The following MOB2 variants were observed in gnomAD, a reference collection of about 807,000 sequenced individuals.
MOB2 encodes the protein MOB2 Mps One Binder homolog.
MOB2 carries 14 observed loss-of-function variants against 27.4 expected under a neutral mutation model. The ratio of observed to expected loss-of-function variants is 0.51; its 90% confidence interval spans 0.34 to 0.80. MOB2 has a LOEUF of 0.80. MOB2 is among the 30% of genes least tolerant of loss of function. MOB2 has a pLI of 0.01. For missense variants in MOB2, 304 were observed against 354.6 expected (o/e 0.86, Z 1.15); for synonymous variants, 167 against 151.8 (o/e 1.10, Z -0.74).
intron 3 of MOB2, among the ~76,000 whole-genome samples, chr11:1,475,969 G>A (rs901426585): frequency 5.3e-5 from 8 of 152,140 alleles, no homozygotes; most frequent in Admixed American, 4.6e-4. Flanking sequence ...CCAGCATCAC[G>A]CTCTTGCGCT....
chr11:1,477,596 C>G (rs983331590), intron 3 of MOB2, among the ~76,000 whole-genome samples: 5 of 152,194 alleles, frequency 3.3e-5, no homozygotes, highest in African/African-American at 9.7e-5. Flanking sequence ...CAAGAAGGTG[C>G]TGTCTGTGGA....
chr11:1,486,679 C>A lies in MOB2; in HGVS notation c.-123G>T. Reference sequence around the variant, plus strand: ...TGGCCAATGGGACGCCTGGCAGAGACAAACAGCTGCCCCCTTTCCAGAGGC... The same window carrying A: ...TGGCCAATGGGACGCCTGGCAGAGAAAAACAGCTGCCCCCTTTCCAGAGGC... On this transcript the variant is annotated 5_prime_UTR_variant, in exon 1 of 5. Transcript: ENST00000329957. The A allele has an allele frequency of 1.5e-6, 1 of 656,516 alleles. No individual in the cohort carries two copies. The highest frequency in any genetic ancestry group is 2.7e-6 in the Non-Finnish European group (1 of 373,288). The allele number at this position is 656,516 out of a possible 1,614,324, so 40.7% of individuals were successfully genotyped here.
chr11:1,483,360 C>A (rs536769548), intron 1 of MOB2, among the ~76,000 whole-genome samples: 10 of 152,192 alleles, frequency 6.6e-5, no homozygotes, highest in Admixed American at 1.3e-4. Flanking sequence ...GGGAGTGGAC[C>A]CTGGACCTCA....
rs1331450325 is a variant in MOB2 at position 1,469,705 on chromosome 11, T to C, written c.*467A>G. 2.4e-5 allele frequency: 11 copies of C among 458,718 alleles called. No homozygotes were observed. The highest frequency in any genetic ancestry group is 4.8e-5 in the Non-Finnish European group (11 of 228,610). The allele number at this position is 458,718 out of a possible 1,614,324, so 28.4% of individuals were successfully genotyped here. ...CTGAGCTGCCAACAGCCAAGACTCC[T>C]GGCGAGGCCGGGAGAGGAGGGGTGA... On this transcript the variant is annotated 3_prime_UTR_variant, in exon 5 of 5. Coordinates refer to ENST00000329957, the MANE Select transcript of MOB2 (RefSeq NM_001172223.3).
chr11:1,480,063 C>G (rs1406809352), intron 3 of MOB2, among the ~76,000 whole-genome samples: 1 of 152,250 alleles, frequency 6.6e-6, no homozygotes, highest in African/African-American at 2.4e-5. Context: ...ACTGTCCCAT[C>G]CAGAGCTGTC....
intron 3 of MOB2, among the ~76,000 whole-genome samples, chr11:1,480,116 T>G (rs1277348057): frequency 6.6e-6 from 1 of 152,178 alleles, no homozygotes; most frequent in African/African-American, 2.4e-5. Context: ...CTTAGGGCAT[T>G]CCTTCTGGAA....
intron 3 of MOB2, among the ~76,000 whole-genome samples, chr11:1,474,771 G>C (rs972602848): frequency 1.6e-4 from 25 of 152,166 alleles, no homozygotes; most frequent in African/African-American, 6.0e-4. Flanking sequence ...GTTTGTGTGG[G>C]GCTATCTCTG....
At chr11:1,478,650 C>T (rs1362638672) in intron 3 of MOB2, among the ~76,000 whole-genome samples, 1 of 152,200 alleles carries the variant, frequency 6.6e-6, no homozygotes, top group Non-Finnish European at 1.5e-5. Context: ...CATGCATCTG[C>T]ACGTGTCTGT....
Position 1,480,854 on chromosome 11 carries a change from G to A in MOB2, c.142C>T (p.Pro48Ser), listed in dbSNP as rs1242759815. 1 of 1,565,924 alleles carries A rather than the reference G, an allele frequency of 6.4e-7. No homozygotes were observed. Among genetic ancestry groups the A allele is most frequent in the Admixed American group, 1.9e-5 (1 of 52,722 alleles). The change falls in exon 2 of 5, where the codon CCC (proline) becomes TCC (serine). Residue 48 changes from proline to serine, a missense_variant. Transcript: ENST00000329957. ...TAGGCCTTCCTCTCCTCCGCAGCGG[G>A]CTTCTTGCCATTAGGCTTGGCTTTG... ...KSKAKPNGKKPAAEERKAYLE... is the reference protein window; with the variant it reads ...KSKAKPNGKKSAAEERKAYLE...
At chr11:1,471,246 C>T (rs941528597) in intron 4 of MOB2, 49 bp downstream of exon 4, 17 of 1,577,692 alleles carry the variant, frequency 1.1e-5, no homozygotes, top group South Asian at 2.4e-5. Context: ...GTCCTGAATG[C>T]TCCCTGCCCC....
intron 3 of MOB2, among the ~76,000 whole-genome samples, chr11:1,479,759 G>A (rs550621513): frequency 2.4e-4 from 37 of 152,304 alleles, no homozygotes; most frequent in African/African-American, 7.2e-4. Flanking sequence ...AAAAGCTTCC[G>A]CCCTCCTCAG....
In MOB2 at chr11:1,471,422, G is replaced by A; in HGVS notation, c.366-3C>T. 1.2e-6 allele frequency: 2 copies of A among 1,609,870 alleles called. No homozygotes were observed. Among genetic ancestry groups the A allele is most frequent in the Non-Finnish European group, 1.7e-6 (2 of 1,177,618 alleles). On this transcript the variant is annotated splice_polypyrimidine_tract_variant and splice_region_variant and intron_variant, in intron 3 of 4. Transcript: ENST00000329957. Reference sequence around the variant, plus strand: ...GCTCGTCATACCAGTAGTACTGTCTGTGGAGACAGAGACACGGTCAGGGCA... The same window carrying A: ...GCTCGTCATACCAGTAGTACTGTCTATGGAGACAGAGACACGGTCAGGGCA...
At chr11:1,478,912 C>G (rs770500165) in intron 3 of MOB2, among the ~76,000 whole-genome samples, 5 of 152,194 alleles carry the variant, frequency 3.3e-5, no homozygotes, top group Admixed American at 2.6e-4. Context: ...CTGAGGCCCT[C>G]TGAGAAGTCT....
intron 3 of MOB2, among the ~76,000 whole-genome samples, chr11:1,478,615 GC>G (rs937970394): frequency 6.6e-6 from 1 of 152,142 alleles, no homozygotes; most frequent in African/African-American, 2.4e-5. Context: ...CTTTTTCTTT[GC>G]CCCCAGTTCT....
chr11:1,471,618 T>C, intron 3 of MOB2, 199 bp from the exon 4 acceptor site: 2 of 583,828 alleles, frequency 3.4e-6, no homozygotes, highest in Non-Finnish European at 5.8e-6. Flanking sequence ...TATGGAGGGG[T>C]CTGCCTGCGC....
Position 1,480,787 on chromosome 11 carries a change from T to A in MOB2, c.209A>T (p.Gln70Leu), listed in dbSNP as rs746690324. ...EHTKARITDF[Q>L]FKELVVLPRE... ...GGGCAGCACCACCAGCTCCTTGAACTGGAAGTCGGTGATCCTGGCCTTGGT... is the reference window on the plus strand; with the variant it reads ...GGGCAGCACCACCAGCTCCTTGAACAGGAAGTCGGTGATCCTGGCCTTGGT... The change falls in exon 2 of 5, where the codon CAG becomes CTG. Residue 70 changes from glutamine to leucine, a missense_variant. Physicochemically the swap from Gln to Leu is moderately radical, Grantham distance 113. Coordinates refer to ENST00000329957, the MANE Select transcript of MOB2 (RefSeq NM_001172223.3). 6.2e-7 allele frequency: 1 copy of A among 1,600,910 alleles called. No homozygotes were observed. Among genetic ancestry groups the A allele is most frequent in the Non-Finnish European group, 8.5e-7 (1 of 1,174,282 alleles).
chr11:1,475,589 C>G (rs148691523), intron 3 of MOB2, among the ~76,000 whole-genome samples: 123 of 152,306 alleles, frequency 8.1e-4, no homozygotes, highest in African/African-American at 2.9e-3. Flanking sequence ...GCCACCACAC[C>G]CAGTGTAATT....
intron 4 of MOB2, 123 bp downstream of exon 4, chr11:1,471,172 G>A (rs1235460582): frequency 1.5e-6 from 2 of 1,331,000 alleles, no homozygotes; most frequent in Non-Finnish European, 2.0e-6. Flanking sequence ...GACTGGGGTG[G>A]TGCAGCTGCC....
intron 3 of MOB2, among the ~76,000 whole-genome samples, chr11:1,480,080 G>A (rs887966887): frequency 6.6e-6 from 1 of 152,246 alleles, no homozygotes; most frequent in Non-Finnish European, 1.5e-5. Flanking sequence ...TGTCACGGGA[G>A]CCAGCGGAGA....
Sources: allele counts gnomAD v4.1 joint callset (sites outside exome capture counted in the v4.1 genomes callset), GRCh38; gene constraint gnomAD v4.1.1; transcripts MANE v1.5; gene names NCBI Gene and HGNC (gene_info 2026-07-23, HGNC 2026-07-21).